The following LUZP2 variants were observed in gnomAD, a reference collection of about 807,000 sequenced individuals.
LUZP2 encodes the protein leucine zipper protein 2.
Under a neutral mutation model 51.6 loss-of-function variants are expected in LUZP2, and 52 were observed. The observed-to-expected ratio is 1.01, with a 90% CI of 0.81 to 1.27. The LOEUF is 1.27. Ranked by LOEUF, LUZP2 falls within the 50% of genes most tolerant of loss-of-function variation. LUZP2 has a pLI of 0.00. For synonymous variants in LUZP2, 154 were observed against 137.3 expected (o/e 1.12, Z -0.85); for missense variants, 436 against 395.4 (o/e 1.10, Z -0.87).
intron 1 of LUZP2, among the ~76,000 whole-genome samples, chr11:24,697,805 A>G (rs1047057652): frequency 6.6e-6 from 1 of 152,152 alleles, no homozygotes; most frequent in African/African-American, 2.4e-5. Flanking sequence ...TTTCTCCTAC[A>G]GATAACATCA....
rs75340045 is a variant in LUZP2, at chr11:24,976,740, T to C, written c.597+75T>C. 7.9e-3 allele frequency: 5,813 copies of C among 733,340 alleles called. 161 individuals carry two copies. The East Asian group carries it at 0.091, about 11-fold the overall frequency. 45.4% of individuals were successfully genotyped at this position (733,340 alleles called of 1,614,324 possible). On this transcript the variant is annotated intron_variant, in intron 8 of 11. Transcript: ENST00000336930. Reference sequence around the variant, plus strand: ...AAAAAAAAAAAAAAAAGTTAAAGTATGCTCATTGCTTTTCTTGATTTATTA... The same window carrying C: ...AAAAAAAAAAAAAAAAGTTAAAGTACGCTCATTGCTTTTCTTGATTTATTA...
chr11:25,075,702 G>A (rs1859280635), intron 10 of LUZP2, among the ~76,000 whole-genome samples: 2 of 152,106 alleles, frequency 1.3e-5, no homozygotes, highest in Admixed American at 1.3e-4. Context: ...TGGTTTTCAG[G>A]GGCCTGCAGT....
intron 7 of LUZP2, among the ~76,000 whole-genome samples, chr11:24,938,967 C>A (rs1854667671): frequency 6.6e-6 from 1 of 152,124 alleles, no homozygotes; most frequent in Admixed American, 6.5e-5. Context: ...ACACTTCAAA[C>A]AAGCCCCAGC....
intron 7 of LUZP2, among the ~76,000 whole-genome samples, chr11:24,915,566 G>C (rs1189873128): frequency 1.3e-5 from 2 of 152,006 alleles, no homozygotes; most frequent in East Asian, 3.8e-4. Context: ...AGATTCTATT[G>C]TGAAAGACTG....
chr11:24,988,649 A>G (rs1449459457), intron 9 of LUZP2, among the ~76,000 whole-genome samples: 1 of 152,100 alleles, frequency 6.6e-6, no homozygotes, highest in Non-Finnish European at 1.5e-5. Flanking sequence ...AGACATGATT[A>G]TGCATTTTAT....
intron 5 of LUZP2, among the ~76,000 whole-genome samples, chr11:24,876,729 A>T (rs1007666019): frequency 4.6e-5 from 7 of 152,194 alleles, no homozygotes; most frequent in African/African-American, 1.7e-4. Context: ...CCTACCCATG[A>T]GCCTGGAATG....
At chr11:24,851,161 T>C (rs1851382777) in intron 5 of LUZP2, among the ~76,000 whole-genome samples, 1 of 152,148 alleles carries the variant, frequency 6.6e-6, no homozygotes, top group South Asian at 2.1e-4. Context: ...TGAATAGAAG[T>C]GGTGAGAGAG....
At chr11:24,664,935 G>A (rs1856162830) in intron 1 of LUZP2, among the ~76,000 whole-genome samples, 1 of 152,130 alleles carries the variant, frequency 6.6e-6, no homozygotes, top group African/African-American at 2.4e-5. Context: ...AGTCCCCATG[G>A]GGTCACTGCC....
chr11:24,653,537 A>G (rs573980547), intron 1 of LUZP2, among the ~76,000 whole-genome samples: 3 of 152,232 alleles, frequency 2.0e-5, no homozygotes, highest in African/African-American at 7.2e-5. Context: ...AAGAGATCCT[A>G]TTTATACTAA....
chr11:24,767,074 A>G (rs1042484019), intron 5 of LUZP2, among the ~76,000 whole-genome samples: 1 of 151,788 alleles, frequency 6.6e-6, no homozygotes, highest in African/African-American at 2.4e-5. Flanking sequence ...CCAGTTTGTT[A>G]TTTTTTTTAT....
intron 9 of LUZP2, among the ~76,000 whole-genome samples, chr11:25,042,078 T>C (rs1858081009): frequency 6.6e-6 from 1 of 152,162 alleles, no homozygotes; most frequent in South Asian, 2.1e-4. Flanking sequence ...GACCACCACT[T>C]CAGTATATTT....
intron 1 of LUZP2, among the ~76,000 whole-genome samples, chr11:24,527,361 T>C (rs1310663265): frequency 6.7e-6 from 1 of 148,242 alleles, no homozygotes; most frequent in Non-Finnish European, 1.5e-5. Context: ...ATTTTGTTTG[T>C]TATGGATAGT....
chr11:24,517,510 A>AAAAAAAAAAAAAC, intron 1 of LUZP2, among the ~76,000 whole-genome samples: 1 of 146,702 alleles, frequency 6.8e-6, no homozygotes, highest in Middle Eastern at 3.8e-3. Context: ...AAAAAAAAAA[A>AAAAAAAAAAAAAC]AAATTGTAGG....
At chr11:24,850,773 G>T (rs1851367736) in intron 5 of LUZP2, among the ~76,000 whole-genome samples, 1 of 152,094 alleles carries the variant, frequency 6.6e-6, no homozygotes, top group Admixed American at 6.6e-5. Flanking sequence ...TTTTCCATTT[G>T]TTTGTGTCCT....
chr11:24,533,482 G>T (rs1216525939), intron 1 of LUZP2, among the ~76,000 whole-genome samples: 1 of 151,130 alleles, frequency 6.6e-6, no homozygotes, highest in Non-Finnish European at 1.5e-5. Flanking sequence ...AACCTCCAAC[G>T]ACCTAAATCA....
chr11:24,762,663 A>G (rs191954129), intron 4 of LUZP2, among the ~76,000 whole-genome samples: 8 of 152,232 alleles, frequency 5.3e-5, no homozygotes, highest in South Asian at 2.1e-4. Context: ...TTACTATACT[A>G]CCATTTTTTA....
At chr11:24,838,804 T>G (rs1218145187) in intron 5 of LUZP2, among the ~76,000 whole-genome samples, 3 of 151,678 alleles carry the variant, frequency 2.0e-5, no homozygotes, top group Non-Finnish European at 4.4e-5. Flanking sequence ...TGATGAAAGA[T>G]CTGGACTCTC....
intron 5 of LUZP2, among the ~76,000 whole-genome samples, chr11:24,839,892 G>A (rs1317755792): frequency 5.9e-5 from 9 of 151,594 alleles, no homozygotes; most frequent in Admixed American, 5.9e-4. Flanking sequence ...GTCTGGTAAT[G>A]CAATTAGAAT....
intron 7 of LUZP2, among the ~76,000 whole-genome samples, chr11:24,941,175 G>A (rs1362207002): frequency 6.6e-6 from 1 of 151,918 alleles, no homozygotes; most frequent in Non-Finnish European, 1.5e-5. Flanking sequence ...GCATCTAAAG[G>A]TTTTGGCTAT....
Sources: allele counts gnomAD v4.1 joint callset (sites outside exome capture counted in the v4.1 genomes callset), GRCh38; gene constraint gnomAD v4.1.1; transcripts MANE v1.5; gene names NCBI Gene and HGNC (gene_info 2026-07-23, HGNC 2026-07-21).